Variants in IFT27 observed in about 807,000 individuals in gnomAD.
IFT27 encodes the protein intraflagellar transport protein 27 homolog.
Under a neutral mutation model 23.9 loss-of-function variants are expected in IFT27, and 19 were observed. That is an observed-to-expected ratio of 0.79 (90% confidence interval 0.55 to 1.16). The LOEUF (loss-of-function observed/expected upper bound fraction) is 1.16. Among genes scored for constraint, IFT27 ranks in the 50% most tolerant of loss-of-function variants. The pLI is 0.00. For missense variants in IFT27, 206 were observed against 228.7 expected (o/e 0.90, Z 0.64); for synonymous variants, 91 against 89.1 (o/e 1.02, Z -0.12).
At chr22:36,766,279 G>A in intron 3 of IFT27, 82 bp from the exon 4 acceptor site, 2 of 1,177,066 alleles carry the variant, frequency 1.7e-6, no homozygotes, top group Non-Finnish European at 2.5e-6. Flanking sequence ...AACTCACACT[G>A]GACTTGTCTT....
intron 6 of IFT27, chr22:36,760,174 C>T (rs1013355219): frequency 2.0e-5 from 3 of 152,212 alleles, no homozygotes; most frequent in African/African-American, 4.8e-5. Context: ...AGCACAAGGT[C>T]CTAGGCAAGC....
At chr22:36,770,884 C>G (rs980662604) in intron 1 of IFT27, among the ~76,000 whole-genome samples, 5 of 152,180 alleles carry the variant, frequency 3.3e-5, no homozygotes, top group African/African-American at 1.2e-4. Flanking sequence ...TTCTCCCTTG[C>G]TAGGAGCTTC....
At chr22:36,767,529 G>C (rs1938285483) in intron 2 of IFT27, among the ~76,000 whole-genome samples, 164 bp from the exon 3 acceptor site, 1 of 152,158 alleles carries the variant, frequency 6.6e-6, no homozygotes, top group African/African-American at 2.4e-5. Context: ...AAGTCAGAGG[G>C]GACCAACTAG....
chr22:36,763,702 G>T, intron 5 of IFT27: 1 of 641,222 alleles, frequency 1.6e-6, no homozygotes, highest in Non-Finnish European at 2.9e-6. Flanking sequence ...TGCCAGGTGC[G>T]TGTCCTCATT....
At chr22:36,770,853 G>C (rs899581918) in intron 1 of IFT27, among the ~76,000 whole-genome samples, 1 of 152,166 alleles carries the variant, frequency 6.6e-6, no homozygotes, top group African/African-American at 2.4e-5. Context: ...GTGTGCAGGG[G>C]AGGGGCCTCT....
intron 3 of IFT27, 128 bp downstream of exon 3, chr22:36,767,178 C>A: frequency 1.5e-6 from 1 of 683,130 alleles, no homozygotes; most frequent in Non-Finnish European, 2.6e-6. Context: ...GATTCTATTC[C>A]GAAATGCTCA....
chr22:36,766,877 G>C (rs770554577), intron 3 of IFT27, among the ~76,000 whole-genome samples: 17 of 151,218 alleles, frequency 1.1e-4, no homozygotes, highest in Non-Finnish European at 1.9e-4. Context: ...TGTCTGTTTT[G>C]CATATTGGTT....
chr22:36,758,551 G>A, intron 6 of IFT27, 142 bp from the exon 7 acceptor site: 2 of 640,096 alleles, frequency 3.1e-6, no homozygotes, highest in Non-Finnish European at 5.6e-6. Flanking sequence ...CCACTTTCAT[G>A]GATGCCAGTT....
intron 1 of IFT27, chr22:36,772,715 C>T (rs578159748): frequency 1.9e-5 from 19 of 984,632 alleles, no homozygotes; most frequent in East Asian, 1.1e-4. Flanking sequence ...AGGTGCTCAG[C>T]GAGTATCTGT....
chr22:36,768,879 G>T (rs1413611609), intron 1 of IFT27, among the ~76,000 whole-genome samples: 1 of 152,148 alleles, frequency 6.6e-6, no homozygotes, highest in Non-Finnish European at 1.5e-5. Context: ...TCATCCTCTG[G>T]ATCCTTAGCA....
intron 4 of IFT27, among the ~76,000 whole-genome samples, chr22:36,764,519 C>T (rs1457920670): frequency 6.6e-6 from 1 of 152,264 alleles, no homozygotes; most frequent in Non-Finnish European, 1.5e-5. Context: ...TCATTCTTAT[C>T]AAGAGCCCAC....
intron 1 of IFT27, among the ~76,000 whole-genome samples, chr22:36,769,828 G>A (rs1938351764): frequency 6.6e-6 from 1 of 152,120 alleles, no homozygotes; most frequent in South Asian, 2.1e-4. Flanking sequence ...GAATTCAGCT[G>A]GAAGTTGGCT....
In IFT27 at chr22:36,775,828, C is replaced by A; in HGVS notation, c.-121G>T. 1 of 948,322 alleles carries A rather than the reference C, an allele frequency of 1.1e-6. No individual in the cohort carries two copies. The highest frequency in any genetic ancestry group is 1.7e-6 in the Non-Finnish European group (1 of 600,208). 58.7% of individuals were successfully genotyped at this position (948,322 alleles called of 1,614,324 possible). ...GGAAGGTGGGGAGGGGAGGGCTGAT[C>A]TCAAGGGTCAGTGGCCGCGACGGGA... On this transcript the variant is annotated 5_prime_UTR_variant, in exon 1 of 7. Coordinates refer to ENST00000433985, the MANE Select transcript of IFT27 (RefSeq NM_001177701.3).
chr22:36,773,272 C>A (rs1229911888), intron 1 of IFT27, among the ~76,000 whole-genome samples: 2 of 151,858 alleles, frequency 1.3e-5, no homozygotes, highest in African/African-American at 4.8e-5. Context: ...GGCAGGGAAT[C>A]ATTTAAACCC....
intron 3 of IFT27, chr22:36,766,493 C>T (rs1938253428): frequency 4.7e-6 from 2 of 429,108 alleles, no homozygotes; most frequent in Admixed American, 7.0e-5. Flanking sequence ...TGACTTCCCA[C>T]CTGGCAGAAC....
At position 36,766,108 on chromosome 22, in the gene IFT27, C is replaced by T. The variant is rs529326671; in HGVS notation, c.234+30G>A. ...TAAACGTTTTGGCAGGAGGTGGTGACAGTCAGGAAAAAGACCACGTGCTAC... is the reference window on the plus strand; with the variant it reads ...TAAACGTTTTGGCAGGAGGTGGTGATAGTCAGGAAAAAGACCACGTGCTAC... On this transcript the variant is annotated intron_variant, in intron 4 of 6. Coordinates refer to ENST00000433985, the MANE Select transcript of IFT27 (RefSeq NM_001177701.3). 206 of 1,589,910 alleles carry T rather than the reference C, an allele frequency of 1.3e-4. 2 individuals are homozygous for T. In the South Asian group the frequency reaches 2.1e-3, roughly 16 times the overall value.
chr22:36,773,506 T>C (rs1188154925), intron 1 of IFT27, among the ~76,000 whole-genome samples: 1 of 151,054 alleles, frequency 6.6e-6, no homozygotes, highest in Non-Finnish European at 1.5e-5. Flanking sequence ...TACAAAAAAT[T>C]AGCTGGGTAT....
At chr22:36,774,316 A>G (rs1017012595) in intron 1 of IFT27, among the ~76,000 whole-genome samples, 13 of 152,202 alleles carry the variant, frequency 8.5e-5, no homozygotes, top group African/African-American at 2.9e-4. Flanking sequence ...TAAAACAGGA[A>G]TCTCTTTTTC....
chr22:36,760,305 T>C (rs1477377168), intron 6 of IFT27: 1 of 152,210 alleles, frequency 6.6e-6, no homozygotes, highest in Non-Finnish European at 1.5e-5. Context: ...CACTCCACAA[T>C]GCAATCTTGG....
Sources: allele counts gnomAD v4.1 joint callset (sites outside exome capture counted in the v4.1 genomes callset), GRCh38; gene constraint gnomAD v4.1.1; transcripts MANE v1.5; gene names NCBI Gene and HGNC (gene_info 2026-07-23, HGNC 2026-07-21).